Variants in AFAP1L1 observed in about 807,000 individuals in gnomAD.
The protein encoded by AFAP1L1 is actin filament associated protein 1 like 1, also known as actin filament-associated protein 1-like 1.
AFAP1L1 carries 77 observed loss-of-function variants against 99.8 expected under a neutral mutation model. The observed-to-expected ratio is 0.77, with a 90% CI of 0.64 to 0.93. The LOEUF is 0.93. Ranked by LOEUF, AFAP1L1 falls within the 40% of genes least tolerant of loss-of-function variation. AFAP1L1 has a pLI of 0.00. For missense variants in AFAP1L1, 893 were observed against 996.8 expected (o/e 0.90, Z 1.40); for synonymous variants, 373 against 395.3 (o/e 0.94, Z 0.67).
At chr5:149,302,797 G>T (rs352340) in intron 5 of AFAP1L1, 284,070 of 308,836 alleles carry the variant, frequency 0.92, 130,893 homozygotes, top group Non-Finnish European at 0.93. Context: ...GGATCTCTGT[G>T]CTTCCACCCT....
At position 149,312,583 on chromosome 5, in the gene AFAP1L1, A is replaced by G. The variant is rs190070357; in HGVS notation, c.1020+379A>G. On this transcript the variant is annotated intron_variant, in intron 9 of 18. Coordinates refer to ENST00000296721, the MANE Select transcript of AFAP1L1 (RefSeq NM_152406.4). The stretch of plus-strand genomic sequence containing the variant: ...CATCACTTGAGCCCCGGAGTTCAAG[A>G]CCAGCCTGGACAACATAGTGAGACC... Among the ~76,000 whole-genome samples the G allele has an allele frequency of 6.8e-4, 104 of 152,236 alleles. 1 individual carries two copies. Among genetic ancestry groups the G allele is most frequent in the African/African-American group, 2.4e-3 (99 of 41,532 alleles).
At chr5:149,318,088 G>C in intron 12 of AFAP1L1, 148 bp downstream of exon 12, 1 of 907,158 alleles carries the variant, frequency 1.1e-6, no homozygotes, top group South Asian at 1.8e-5. Flanking sequence ...GGTGACCCAA[G>C]TAGATTATAA....
chr5:149,277,207 G>A (rs1755361433), intron 1 of AFAP1L1, among the ~76,000 whole-genome samples: 1 of 152,150 alleles, frequency 6.6e-6, no homozygotes, highest in Non-Finnish European at 1.5e-5. Flanking sequence ...TACTGCAGTT[G>A]AATTGAACCC....
At chr5:149,280,792 T>C (rs1755492693) in intron 1 of AFAP1L1, among the ~76,000 whole-genome samples, 1 of 152,146 alleles carries the variant, frequency 6.6e-6, no homozygotes, top group South Asian at 2.1e-4. Flanking sequence ...GGAGATGCAT[T>C]GTGTTTATCT....
chr5:149,283,561 G>A (rs2127589964), intron 1 of AFAP1L1, among the ~76,000 whole-genome samples: 1 of 151,504 alleles, frequency 6.6e-6, no homozygotes, highest in East Asian at 1.9e-4. Flanking sequence ...TATTCATTTT[G>A]TTCTCTTTTT....
At position 149,320,264 on chromosome 5, in the gene AFAP1L1, C is replaced by A; in HGVS notation, c.1626-127C>A. ...TGACACAATGCTGCCTGCCATCTTG[C>A]TTTTACCAATCTTCTGATCTGCCTT... is the stretch of plus-strand genomic sequence containing the variant. On this transcript the variant is annotated intron_variant, in intron 13 of 18. Coordinates refer to ENST00000296721, the MANE Select transcript of AFAP1L1 (RefSeq NM_152406.4). The surrounding 1 kb of genome is among the most constrained non-coding windows in gnomAD (Gnocchi z 4.0). 1.1e-6 allele frequency: 1 copy of A among 894,388 alleles called. No individual in the cohort carries two copies. Among genetic ancestry groups the A allele is most frequent in the Non-Finnish European group, 1.8e-6 (1 of 567,238 alleles). 55.4% of individuals were successfully genotyped at this position (894,388 alleles called of 1,614,324 possible). A position where few individuals can be genotyped will look rare whatever the true frequency, so the allele number is the denominator to read the frequency against.
At chr5:149,314,996 A>C (rs1305659271) in intron 9 of AFAP1L1, among the ~76,000 whole-genome samples, 5 of 152,232 alleles carry the variant, frequency 3.3e-5, no homozygotes, top group Admixed American at 3.3e-4. Flanking sequence ...AAGTGGGTGG[A>C]ATTCAAGTGA....
At chr5:149,280,731 C>G (rs149649316) in intron 1 of AFAP1L1, among the ~76,000 whole-genome samples, 35 of 152,272 alleles carry the variant, frequency 2.3e-4, no homozygotes, top group African/African-American at 7.2e-4. Context: ...CATAATATAT[C>G]TAACCCCTTC....
chr5:149,328,706 C>A (rs75428315), intron 15 of AFAP1L1, among the ~76,000 whole-genome samples: 1 of 151,866 alleles, frequency 6.6e-6, no homozygotes, highest in African/African-American at 2.4e-5. Context: ...CTACTCTACT[C>A]GGGAGGCTGA....
intron 15 of AFAP1L1, among the ~76,000 whole-genome samples, chr5:149,324,759 G>T (rs1757047993): frequency 6.6e-6 from 1 of 152,162 alleles, no homozygotes; most frequent in Non-Finnish European, 1.5e-5. Context: ...TGCATGCCTG[G>T]CAAGTTTGTG....
In AFAP1L1 at chr5:149,320,437, G is replaced by A; in HGVS notation, c.1672G>A (p.Asp558Asn). Residue 558 changes from aspartate (D) to asparagine (N), a missense_variant, in exon 14 of 19, where the codon GAT (aspartate) becomes AAT (asparagine). Transcript: ENST00000296721. This position sits in a 1 kb window ranked among gnomAD's most constrained non-coding sequence, Gnocchi z 4.0. Reference protein sequence around the residue: ...QNQWPEPRVYDDVPYEKMQDE... With the variant: ...QNQWPEPRVYNDVPYEKMQDE... ...TCAGTGGCCTGAGCCCCGAGTCTATGATGATGTTCCTTATGAAAAGATGCA... is the reference window on the plus strand; with the variant it reads ...TCAGTGGCCTGAGCCCCGAGTCTATAATGATGTTCCTTATGAAAAGATGCA... 1.9e-6 allele frequency: 3 copies of A among 1,614,218 alleles called. No homozygotes were observed. The highest frequency in any genetic ancestry group is 2.5e-6 in the Non-Finnish European group (3 of 1,180,044).
chr5:149,322,850 G>GT (rs1480208819), intron 15 of AFAP1L1, 133 bp downstream of exon 15: 7 of 700,452 alleles, frequency 1.0e-5, no homozygotes, highest in Non-Finnish European at 1.7e-5. Flanking sequence ...ATACTCTACC[G>GT]TAAGAAAAAT....
intron 15 of AFAP1L1, among the ~76,000 whole-genome samples, chr5:149,325,001 A>T (rs750922824): frequency 2.0e-4 from 31 of 152,174 alleles, no homozygotes; most frequent in Non-Finnish European, 2.9e-5. Context: ...GGGACTATAA[A>T]AGGGCATGAA....
intron 14 of AFAP1L1, 110 bp from the exon 15 acceptor site, chr5:149,322,496 C>A: frequency 1.4e-6 from 1 of 699,548 alleles, no homozygotes; most frequent in East Asian, 3.0e-5. Flanking sequence ...AAATGTAAGA[C>A]CAAGATCTCA....
chr5:149,276,018 T>A (rs1755310189), intron 1 of AFAP1L1, among the ~76,000 whole-genome samples: 2 of 152,230 alleles, frequency 1.3e-5, no homozygotes, highest in African/African-American at 4.8e-5. Flanking sequence ...ATTCTCCATA[T>A]GAGACACAGA....
At chr5:149,300,149 A>C in intron 2 of AFAP1L1, 122 bp from the exon 3 acceptor site, 1 of 623,426 alleles carries the variant, frequency 1.6e-6, no homozygotes, top group Admixed American at 3.2e-5. Context: ...GAAATAATTT[A>C]GGACTTGAAT....
chr5:149,292,988 C>T (rs1474104255), intron 1 of AFAP1L1, among the ~76,000 whole-genome samples: 4 of 152,318 alleles, frequency 2.6e-5, no homozygotes, highest in Admixed American at 6.5e-5. Flanking sequence ...GAAGGGGCTT[C>T]GCCAGCTCCT....
At position 149,332,769 on chromosome 5, in the gene AFAP1L1, A is replaced by C; in HGVS notation, c.2050A>C (p.Ile684Leu). 6.2e-7 allele frequency: 1 copy of C among 1,613,682 alleles called. No individual in the cohort carries two copies. The highest frequency in any genetic ancestry group is 8.5e-7 in the Non-Finnish European group (1 of 1,179,996). The change falls in exon 17 of 19, where the codon ATT becomes CTT. Residue 684 changes from isoleucine (I) to leucine (L), a missense_variant. Coordinates refer to ENST00000296721, the MANE Select transcript of AFAP1L1 (RefSeq NM_152406.4). ...GTGTCGGGCAAAGGAGGAGCGCCGG[A>C]TTGACCTGGAGCTGAAGCTGGTGGC... ...AQCRAKEERR[I>L]DLELKLVAVK...
intron 1 of AFAP1L1, among the ~76,000 whole-genome samples, chr5:149,288,317 A>G (rs1755746121): frequency 6.6e-6 from 1 of 152,242 alleles, no homozygotes; most frequent in Non-Finnish European, 1.5e-5. Flanking sequence ...GACAAATGAC[A>G]GTGCCTCTCT....
Sources: allele counts gnomAD v4.1 joint callset (sites outside exome capture counted in the v4.1 genomes callset), GRCh38; gene constraint gnomAD v4.1.1; non-coding constraint Gnocchi (gnomAD v3.1); transcripts MANE v1.5; gene names NCBI Gene and HGNC (gene_info 2026-07-23, HGNC 2026-07-21).